Variants in ADARB1 observed in about 807,000 individuals in gnomAD.
The protein encoded by ADARB1 is adenosine deaminase RNA specific B1.
A neutral mutation model predicts 52.4 loss-of-function variants in ADARB1; 10 were observed. That is an observed-to-expected ratio of 0.19 (90% CI 0.12 to 0.32). The LOEUF (loss-of-function observed/expected upper bound fraction) is 0.32. Ranked by LOEUF, ADARB1 falls within the 10% of genes least tolerant of loss-of-function variation. The pLI, the probability that ADARB1 is intolerant of heterozygous loss-of-function variation, is 1.00. For missense variants in ADARB1, 643 were observed against 922.3 expected (o/e 0.70, Z 3.92); for synonymous variants, 349 against 371.1 (o/e 0.94, Z 0.68).
At chr21:45,108,776 TGA>T (rs1469778147) in intron 1 of ADARB1, among the ~76,000 whole-genome samples, 177 of 1,684 alleles carry the variant, frequency 0.11, 2 homozygotes, top group East Asian at 0.45. Context: ...GGAAGGTACC[TGA>T]TATTCTTAGG....
At chr21:45,196,075 T>C (rs2092418061) in intron 8 of ADARB1, among the ~76,000 whole-genome samples, 1 of 152,208 alleles carries the variant, frequency 6.6e-6, no homozygotes, top group Non-Finnish European at 1.5e-5. Context: ...TTTGGAATTT[T>C]ATAGTTTTAC....
intron 9 of ADARB1, among the ~76,000 whole-genome samples, chr21:45,215,109 G>A (rs961769370): frequency 6.6e-6 from 1 of 152,140 alleles, no homozygotes; most frequent in South Asian, 2.1e-4. Context: ...GTGCAGTAAC[G>A]TGATCATAGC....
intron 3 of ADARB1, 151 bp downstream of exon 3, chr21:45,171,835 T>A: frequency 1.4e-6 from 1 of 694,606 alleles, no homozygotes. Flanking sequence ...TAATTTTTGG[T>A]GTGTTCTCTG....
chr21:45,097,259 C>T (rs2086803263), intron 1 of ADARB1, among the ~76,000 whole-genome samples: 1 of 152,004 alleles, frequency 6.6e-6, no homozygotes, highest in African/African-American at 2.4e-5. Context: ...AGAGCAAATG[C>T]TGGAAAAACT....
chr21:45,089,349 A>G (rs2086473899), intron 1 of ADARB1, among the ~76,000 whole-genome samples: 1 of 152,234 alleles, frequency 6.6e-6, no homozygotes, highest in Non-Finnish European at 1.5e-5. Flanking sequence ...CCCATGGCAG[A>G]ATATGATGGG....
rs2093045680 is a variant in ADARB1, at chr21:45,225,428, C to T, written c.*3231C>T. The T allele has an allele frequency of 2.3e-6, 3 of 1,301,404 alleles. No individual in the cohort carries two copies. In the South Asian group the frequency reaches 9.6e-5, roughly 42 times the overall value. 80.6% of individuals were successfully genotyped at this position (1,301,404 alleles called of 1,614,324 possible). A position where few individuals can be genotyped will look rare whatever the true frequency, so the allele number is the denominator to read the frequency against. On this transcript the variant is annotated 3_prime_UTR_variant, in exon 11 of 11. Transcript: ENST00000348831. ...TATTTTAAAATGTGCAAGCCAGTAT[C>T]TCACAAGGCATGGATTTCTGTGGAA...
chr21:45,136,726 C>T (rs991733422), intron 2 of ADARB1, among the ~76,000 whole-genome samples: 2 of 152,226 alleles, frequency 1.3e-5, no homozygotes, highest in Non-Finnish European at 1.5e-5. Flanking sequence ...GGCACCCTGC[C>T]GCTCTCCCCC....
At chr21:45,165,302 AT>A (rs2146072937) in intron 2 of ADARB1, among the ~76,000 whole-genome samples, 1 of 152,272 alleles carries the variant, frequency 6.6e-6, no homozygotes, top group Non-Finnish European at 1.5e-5. Flanking sequence ...CCTTGCTAGA[AT>A]TTCCTCTTCT....
At position 45,223,192 on chromosome 21, in the gene ADARB1, CA is replaced by C; in HGVS notation, c.*996del. ...TCACAGGATGGAAGTAGAATGATTT[CA>C]GTAGATACTCATTCTTGGAAAATGC... On this transcript the variant is annotated 3_prime_UTR_variant, in exon 11 of 11. Transcript: ENST00000348831. 1.0e-6 allele frequency: 1 copy of C among 985,356 alleles called. No individual in the cohort carries two copies. The allele number at this position is 985,356 out of a possible 1,614,324, so 61.0% of individuals were successfully genotyped here. A position where few individuals can be genotyped will look rare whatever the true frequency, so the allele number is the denominator to read the frequency against.
intron 2 of ADARB1, among the ~76,000 whole-genome samples, chr21:45,150,829 A>T (rs1054722496): frequency 1.3e-5 from 2 of 152,228 alleles, no homozygotes; most frequent in African/African-American, 4.8e-5. Context: ...TGTCTGATCC[A>T]TGTCCAGGTT....
intron 2 of ADARB1, among the ~76,000 whole-genome samples, chr21:45,139,019 C>T (rs2089553608): frequency 6.6e-6 from 1 of 151,764 alleles, no homozygotes; most frequent in African/African-American, 2.4e-5. Flanking sequence ...CTCTCGGGTT[C>T]AAGCGATTCA....
intron 2 of ADARB1, among the ~76,000 whole-genome samples, chr21:45,164,508 G>T (rs2091156220): frequency 2.8e-5 from 4 of 141,808 alleles, no homozygotes; most frequent in Admixed American, 2.2e-4. Context: ...ACAAATTGTG[G>T]ATTGCACTGT....
rs1174652011 is a variant in ADARB1 at position 45,221,279 on chromosome 21, G to A, written c.1926+265G>A. Among the ~76,000 whole-genome samples the A allele has an allele frequency of 6.6e-6, 1 of 152,182 alleles. No homozygotes were observed. Among genetic ancestry groups the A allele is most frequent in the East Asian group, 1.9e-4 (1 of 5,196 alleles). On this transcript the variant is annotated intron_variant, in intron 10 of 10. Transcript: ENST00000348831. The surrounding 1 kb of genome is among the most constrained non-coding windows in gnomAD (Gnocchi z 4.9). ...CCAGGCCACTGTGTGTGGTGGAAAC[G>A]TCTCTTACTCTCAGATATTGAAAGT...
chr21:45,217,051 T>C (rs1019792642), intron 9 of ADARB1, among the ~76,000 whole-genome samples: 2 of 152,014 alleles, frequency 1.3e-5, no homozygotes. Flanking sequence ...GCACAGTGTA[T>C]CTTCTATCCC....
intron 3 of ADARB1, among the ~76,000 whole-genome samples, chr21:45,174,049 G>A (rs2091591104): frequency 6.6e-6 from 1 of 152,092 alleles, no homozygotes; most frequent in Admixed American, 6.6e-5. Flanking sequence ...CGAGGACTTG[G>A]TCCCTTTAAA....
chr21:45,182,778 C>CAGGA, intron 6 of ADARB1, 25 bp downstream of exon 6: 1 of 1,533,872 alleles, frequency 6.5e-7, no homozygotes, highest in Non-Finnish European at 8.8e-7. Flanking sequence ...CAAATAAGGA[C>CAGGA]AGGAAGCTCT....
At chr21:45,083,026 G>A (rs770979772) in intron 1 of ADARB1, among the ~76,000 whole-genome samples, 6 of 152,248 alleles carry the variant, frequency 3.9e-5, no homozygotes, top group East Asian at 1.9e-4. Context: ...TGTGTGCTGC[G>A]TGCCCTGCTC....
chr21:45,087,165 A>C (rs1289902382), intron 1 of ADARB1, among the ~76,000 whole-genome samples: 1 of 152,224 alleles, frequency 6.6e-6, no homozygotes, highest in African/African-American at 2.4e-5. Context: ...TCAGCCTACA[A>C]CACCACAGAA....
intron 2 of ADARB1, chr21:45,134,973 C>A: frequency 2.7e-6 from 1 of 374,844 alleles, no homozygotes; most frequent in Non-Finnish European, 5.3e-6. Context: ...CAGGGACTGG[C>A]AGGCTGTAGC....
Sources: allele counts gnomAD v4.1 joint callset (sites outside exome capture counted in the v4.1 genomes callset), GRCh38; gene constraint gnomAD v4.1.1; non-coding constraint Gnocchi (gnomAD v3.1); transcripts MANE v1.5; gene names NCBI Gene and HGNC (gene_info 2026-07-23, HGNC 2026-07-21).